OOSP3: variants seen among roughly 807,000 people sequenced by gnomAD.
The protein encoded by OOSP3 is oocyte secreted protein family member 3.
At chr11:59,886,941 C>G (rs147967730) in intron 2 of OOSP3, among the ~76,000 whole-genome samples, 3,463 of 151,978 alleles carry the variant, frequency 0.023, 75 homozygotes, top group South Asian at 0.041. Flanking sequence ...TAGGCGTGTG[C>G]CACCATGCCC....
At chr11:59,880,410 C>A in exon 2 of OOSP3, 1 of 398,438 alleles carries the variant, frequency 2.5e-6, no homozygotes, top group Non-Finnish European at 4.4e-6. Context: ...GTTTAATTAC[C>A]CTGCCACTCA....
At chr11:59,893,459 G>A (rs1853329644) in intron 2 of OOSP3, among the ~76,000 whole-genome samples, 1 of 152,022 alleles carries the variant, frequency 6.6e-6, no homozygotes, top group South Asian at 2.1e-4. Flanking sequence ...TCCACCTCCT[G>A]GACTCAAGTA....
chr11:59,893,006 G>A (rs141340998), intron 2 of OOSP3, among the ~76,000 whole-genome samples: 1 of 152,126 alleles, frequency 6.6e-6, no homozygotes, highest in Non-Finnish European at 1.5e-5. Context: ...GGATTTTTTG[G>A]TGGTCTTTAG....
chr11:59,883,516 G>T (rs1853222377), intron 2 of OOSP3, among the ~76,000 whole-genome samples: 3 of 152,138 alleles, frequency 2.0e-5, no homozygotes, highest in Non-Finnish European at 4.4e-5. Context: ...AACCTCCAAA[G>T]AAATCTAAAA....
chr11:59,890,755 C>T (rs960884755), intron 2 of OOSP3, among the ~76,000 whole-genome samples: 6 of 152,014 alleles, frequency 3.9e-5, no homozygotes, highest in Admixed American at 1.3e-4. Context: ...GATTATGTGT[C>T]TTGGAGTTGA....
At chr11:59,881,741 C>A (rs1202478643) in intron 2 of OOSP3, among the ~76,000 whole-genome samples, 1 of 152,054 alleles carries the variant, frequency 6.6e-6, no homozygotes, top group Non-Finnish European at 1.5e-5. Flanking sequence ...AGCCTAGTGG[C>A]CACCTGTAAT....
intron 2 of OOSP3, among the ~76,000 whole-genome samples, chr11:59,884,724 G>A (rs1473360223): frequency 1.3e-5 from 2 of 151,942 alleles, no homozygotes; most frequent in South Asian, 2.1e-4. Context: ...GGCTGGTCTC[G>A]AACTCCTGAC....
intron 1 of OOSP3, 59 bp downstream of exon 1, chr11:59,878,940 C>T (rs1853177172): frequency 2.5e-6 from 1 of 398,056 alleles, no homozygotes; most frequent in East Asian, 3.6e-5. Flanking sequence ...GGTTGTGGGC[C>T]TTTTACTGTT....
exon 5 of OOSP3, chr11:59,896,428 G>T (rs550786946): frequency 8.8e-6 from 3 of 340,554 alleles, no homozygotes; most frequent in Non-Finnish European, 1.6e-5. Context: ...CAATGTCTAT[G>T]TATAATTTGT....
intron 4 of OOSP3, 138 bp downstream of exon 4, chr11:59,895,790 C>T: frequency 5.0e-6 from 2 of 396,600 alleles, no homozygotes; most frequent in Non-Finnish European, 8.9e-6. Flanking sequence ...TGATGGGTCT[C>T]ACATTACATT....
At chr11:59,880,497 G>A (rs1230658163) in intron 2 of OOSP3, 58 bp downstream of exon 2, 3 of 397,972 alleles carry the variant, frequency 7.5e-6, no homozygotes, top group Non-Finnish European at 8.9e-6. Flanking sequence ...CCTTGCAGTA[G>A]TACTGTGTGT....
intron 2 of OOSP3, among the ~76,000 whole-genome samples, chr11:59,888,573 A>C (rs1853283050): frequency 6.6e-6 from 1 of 152,116 alleles, no homozygotes; most frequent in Non-Finnish European, 1.5e-5. Flanking sequence ...TTTTGTCTTT[A>C]GTTCTGTTTA....
chr11:59,882,929 TTATC>T (rs1853217613), intron 2 of OOSP3, among the ~76,000 whole-genome samples: 1 of 152,190 alleles, frequency 6.6e-6, no homozygotes, highest in African/African-American at 2.4e-5. Context: ...TTTTCAAAGT[TTATC>T]TATATCATAG....
chr11:59,888,313 T>C (rs1007160406), intron 2 of OOSP3, among the ~76,000 whole-genome samples: 1 of 152,178 alleles, frequency 6.6e-6, no homozygotes, highest in Admixed American at 6.5e-5. Flanking sequence ...GCCTGATTGC[T>C]CTGGCCAGAA....
intron 2 of OOSP3, among the ~76,000 whole-genome samples, chr11:59,887,677 C>T (rs1853275653): frequency 1.3e-5 from 2 of 152,204 alleles, no homozygotes; most frequent in South Asian, 4.1e-4. Flanking sequence ...TGCACCAGTA[C>T]CATGCTGTTT....
In OOSP3 at chr11:59,891,543, G is replaced by A. The variant is rs115591418; in HGVS notation, c.253-2536G>A. 7.0e-3 allele frequency among the ~76,000 whole-genome samples: 1,059 copies of A among 152,334 alleles called. 16 individuals are homozygous for A. The highest frequency in any genetic ancestry group is 0.023 in the African/African-American group (975 of 41,572). On this transcript the variant is annotated intron_variant, in intron 2 of 4. Coordinates refer to ENST00000646438, the Ensembl canonical transcript of OOSP3. ...AACCCGCTTCTGCAAGCCTGCTGCA[G>A]TTTCTGGGGGTTCACTTCAGACTCT...
intron 1 of OOSP3, 100 bp from the exon 2 acceptor site, chr11:59,880,161 G>GTA (rs1429903439): frequency 2.5e-6 from 1 of 396,472 alleles, no homozygotes; most frequent in Admixed American, 4.4e-5. Context: ...TTACAGTGGT[G>GTA]TATATACATA....
Position 59,895,663 on chromosome 11 carries a change from T to G in OOSP3, c.501+11T>G, listed in dbSNP as rs1347565760. 2 of 398,256 alleles carry G rather than the reference T, an allele frequency of 5.0e-6. No individual in the cohort carries two copies. Among genetic ancestry groups the G allele is most frequent in the Non-Finnish European group, 8.9e-6 (2 of 225,906 alleles). The allele number at this position is 398,256 out of a possible 1,614,324, so 24.7% of individuals were successfully genotyped here. On this transcript the variant is annotated intron_variant, in intron 4 of 4. Coordinates refer to ENST00000646438, the Ensembl canonical transcript of OOSP3. The stretch of plus-strand genomic sequence containing the variant: ...TTTCAAAACTCCTCGGTGAGGATCC[T>G]TAGAAGAGACAAAACATGGCAGTGT...
chr11:59,885,771 T>C (rs1336281593), intron 2 of OOSP3, among the ~76,000 whole-genome samples: 2 of 152,196 alleles, frequency 1.3e-5, no homozygotes, highest in African/African-American at 2.4e-5. Flanking sequence ...TAAGGTACAT[T>C]GATCTATAGT....
Sources: gnomAD v4.1 joint callset for allele counts (sites outside exome capture counted in the v4.1 genomes callset) on GRCh38, gnomAD v4.1.1 for gene constraint, MANE v1.5 for transcripts, NCBI Gene and HGNC (gene_info 2026-07-23, HGNC 2026-07-21) for gene names.